KRT86: variants seen among roughly 807,000 people sequenced by gnomAD.
The protein encoded by KRT86 is keratin 86.
A neutral mutation model predicts 41.2 loss-of-function variants in KRT86; 30 were observed. That is an observed-to-expected ratio of 0.73 (90% CI 0.54 to 0.99). The LOEUF (loss-of-function observed/expected upper bound fraction) is 0.99. Ranked by LOEUF, KRT86 falls within the 50% of genes least tolerant of loss-of-function variation. The probability of loss-of-function intolerance (pLI) is 0.00; values close to 1 mark genes in which losing one functional copy is unlikely to be tolerated. For missense variants in KRT86, 561 were observed against 571.4 expected, an observed-to-expected ratio of 0.98 and a Z score of 0.19; for synonymous variants, 238 against 238.1, an observed-to-expected ratio of 1.00 and a Z score of 0.00.
intron 2 of KRT86, among the ~76,000 whole-genome samples, chr12:52,280,922 C>T (rs1035416998): frequency 6.6e-6 from 1 of 152,166 alleles, no homozygotes; most frequent in Non-Finnish European, 1.5e-5. Context: ...ATTCTGCAAC[C>T]TGCGTCACTC....
chr12:52,301,808 A>G (rs952113352), intron 2 of KRT86, 105 bp from the exon 3 acceptor site: 4 of 1,610,986 alleles, frequency 2.5e-6, no homozygotes, highest in African/African-American at 1.3e-5. Flanking sequence ...CCCCACTTAT[A>G]TAAAAGGCCT....
At chr12:52,280,878 T>A (rs1937757111) in intron 2 of KRT86, among the ~76,000 whole-genome samples, 1 of 152,188 alleles carries the variant, frequency 6.6e-6, no homozygotes, top group Non-Finnish European at 1.5e-5. Context: ...ACAAGGGAAC[T>A]TTGTGGGAAT....
chr12:52,278,358 C>T lies in KRT86; in HGVS notation c.-5+2412C>T, dbSNP rs143643037. ...AGTCTTCAGATTATGGAGCTACCTG[C>T]TCTGGGGTCTCCTGTAGAGGTTTAA... On this transcript the variant is annotated intron_variant, in intron 2 of 10. Coordinates refer to ENST00000423955, the MANE Select transcript of KRT86 (RefSeq NM_001320198.2). Among the ~76,000 whole-genome samples the T allele has an allele frequency of 1.7e-3, 264 of 151,992 alleles. 2 individuals are homozygous for T. Among genetic ancestry groups the T allele is most frequent in the Admixed American group, 0.014 (219 of 15,272 alleles).
intron 2 of KRT86, among the ~76,000 whole-genome samples, chr12:52,293,631 C>T (rs1331371889): frequency 6.6e-6 from 1 of 152,108 alleles, no homozygotes; most frequent in African/African-American, 2.4e-5. Flanking sequence ...AGATGTGCAG[C>T]ACCCCGTGGC....
chr12:52,293,756 C>G (rs557610468), intron 2 of KRT86, among the ~76,000 whole-genome samples: 9 of 152,150 alleles, frequency 5.9e-5, no homozygotes, highest in African/African-American at 2.2e-4. Flanking sequence ...AACCACCCCC[C>G]ACTCCAATAG....
At chr12:52,284,284 C>T (rs1363326598) in intron 2 of KRT86, among the ~76,000 whole-genome samples, 1 of 152,172 alleles carries the variant, frequency 6.6e-6, no homozygotes, top group African/African-American at 2.4e-5. Context: ...CTTCAACTTC[C>T]TGGGCTCAAG....
chr12:52,280,424 A>G (rs1937745912), intron 2 of KRT86, among the ~76,000 whole-genome samples: 1 of 152,208 alleles, frequency 6.6e-6, no homozygotes, highest in African/African-American at 2.4e-5. Context: ...TACATCATCA[A>G]TGCAACAATA....
At position 52,308,217 on chromosome 12, in the gene KRT86, C is replaced by A. The variant is rs764489638; in HGVS notation, c.1248-16C>A. On this transcript the variant is annotated splice_polypyrimidine_tract_variant and intron_variant, in intron 9 of 10. Transcript: ENST00000423955. ...CCTTTTCCGCGGCACTGACCTCTCG[C>A]CTTCTCTCCCTGCAGGCTGTGCGAG... is the stretch of plus-strand genomic sequence containing the variant. 6.8e-6 allele frequency: 11 copies of A among 1,614,068 alleles called. No individual in the cohort carries two copies. The East Asian group carries it at 2.5e-4, about 36-fold the overall frequency.
At chr12:52,287,114 C>T (rs1457151908) in intron 2 of KRT86, 1 of 1,613,058 alleles carries the variant, frequency 6.2e-7, no homozygotes, top group Admixed American at 1.7e-5. Flanking sequence ...CTGCTCCTCG[C>T]CCTCCAGCAG....
chr12:52,286,465 C>G (rs1196974669), intron 2 of KRT86: 22 of 1,552,348 alleles, frequency 1.4e-5, no homozygotes, highest in Non-Finnish European at 1.9e-5. Context: ...GGTCCCCGCA[C>G]ACGACCCCGC....
At chr12:52,287,614 C>T in intron 2 of KRT86, 1 of 1,613,942 alleles carries the variant, frequency 6.2e-7, no homozygotes. Context: ...TGGCATTCTC[C>T]ACCTCGGCCG....
rs10684723 is a variant in KRT86 at position 52,278,438 on chromosome 12, G to GTTTT, written c.-5+2508_-5+2511dup. Among the ~76,000 whole-genome samples the GTTTT allele has an allele frequency of 2.2e-4, 28 of 128,012 alleles. 3 individuals carry two copies. Among genetic ancestry groups the GTTTT allele is most frequent in the Admixed American group, 2.3e-4 (3 of 12,866 alleles). The allele number at this position is 128,012 out of a possible 152,430, so 84.0% of individuals were successfully genotyped here. A position where few individuals can be genotyped will look rare whatever the true frequency, so the allele number is the denominator to read the frequency against. ...ATCAAGTCAGGCCAAAGAAAGTGTA[G>GTTTT]TTTTTTTTTTTTTTTTTTTGGTCTT... On this transcript the variant is annotated intron_variant, in intron 2 of 10. Transcript: ENST00000423955.
At position 52,286,728 on chromosome 12, in the gene KRT86, C is replaced by T. The variant is rs1219575297; in HGVS notation, c.-5+10782C>T. ...TCAATCTCAGTAACACTCCTTTTTCCAAACTCTGCCCTCCATCACAGGTAG... is the reference window on the plus strand; with the variant it reads ...TCAATCTCAGTAACACTCCTTTTTCTAAACTCTGCCCTCCATCACAGGTAG... On this transcript the variant is annotated intron_variant, in intron 2 of 10. Transcript: ENST00000423955. The T allele has an allele frequency of 9.0e-6, 14 of 1,550,244 alleles. No individual in the cohort carries two copies. In the Admixed American group the frequency reaches 1.9e-4, roughly 21 times the overall value.
chr12:52,295,929 T>G (rs1462655387), intron 2 of KRT86, among the ~76,000 whole-genome samples: 1 of 151,932 alleles, frequency 6.6e-6, no homozygotes, highest in Non-Finnish European at 1.5e-5. Flanking sequence ...CCTTCCTTGC[T>G]GGGGCCTGAA....
chr12:52,282,528 G>A (rs866796273), intron 2 of KRT86, among the ~76,000 whole-genome samples: 10 of 152,182 alleles, frequency 6.6e-5, no homozygotes, highest in Non-Finnish European at 1.3e-4. Context: ...GAGCCACCGC[G>A]CCCGGCCAAG....
At chr12:52,281,762 G>A (rs980404783) in intron 2 of KRT86, among the ~76,000 whole-genome samples, 2 of 151,972 alleles carry the variant, frequency 1.3e-5, no homozygotes, top group African/African-American at 4.8e-5. Flanking sequence ...TTGTAGTGAT[G>A]AAGTCTTGCT....
intron 7 of KRT86, 103 bp downstream of exon 7, chr12:52,305,507 A>C: frequency 6.2e-7 from 1 of 1,603,522 alleles, no homozygotes; most frequent in Non-Finnish European, 8.5e-7. Flanking sequence ...AGGGATGAGA[A>C]GAGATGGCTG....
intron 2 of KRT86, among the ~76,000 whole-genome samples, chr12:52,297,737 C>G (rs991983918): frequency 6.6e-6 from 1 of 152,206 alleles, no homozygotes; most frequent in Non-Finnish European, 1.5e-5. Context: ...TTACTTAAAG[C>G]CTCCCTAAAT....
At chr12:52,305,515 C>T in intron 7 of KRT86, 111 bp downstream of exon 7, 2 of 1,599,242 alleles carry the variant, frequency 1.3e-6, no homozygotes, top group Non-Finnish European at 1.7e-6. Flanking sequence ...GAAGAGATGG[C>T]TGCCACTCTG....
Sources: allele counts gnomAD v4.1 joint callset (sites outside exome capture counted in the v4.1 genomes callset), GRCh38; gene constraint gnomAD v4.1.1; transcripts MANE v1.5; gene names NCBI Gene and HGNC (gene_info 2026-07-23, HGNC 2026-07-21).